Variants in PCSK2 observed in about 807,000 individuals in gnomAD.
The protein encoded by PCSK2 is proprotein convertase subtilisin/kexin type 2, also known as neuroendocrine convertase 2.
In PCSK2, 14 loss-of-function variants were observed where a neutral mutation model predicts 69.7. The ratio of observed to expected loss-of-function variants is 0.20; its 90% CI spans 0.13 to 0.31. PCSK2 has a LOEUF of 0.31. PCSK2 is among the 10% of genes least tolerant of loss of function. The pLI, the probability that PCSK2 is intolerant of heterozygous loss-of-function variation, is 1.00. For synonymous variants in PCSK2, 307 were observed against 320.7 expected, an observed-to-expected ratio of 0.96 and a Z score of 0.46; for missense variants, 544 against 842.5, an observed-to-expected ratio of 0.65 and a Z score of 4.39.
At chr20:17,347,607 G>A (rs770197588) in intron 2 of PCSK2, among the ~76,000 whole-genome samples, 10 of 152,022 alleles carry the variant, frequency 6.6e-5, no homozygotes, top group Non-Finnish European at 1.3e-4. Context: ...ACCATGGACC[G>A]TGGGTGATGA....
chr20:17,455,656 G>GCCAGTC (rs1392959695), intron 9 of PCSK2, among the ~76,000 whole-genome samples: 1 of 152,216 alleles, frequency 6.6e-6, no homozygotes, highest in Non-Finnish European at 1.5e-5. Context: ...CCTTTCAAGG[G>GCCAGTC]CCAGTCCCAA....
chr20:17,308,848 G>A (rs1314441147), intron 2 of PCSK2, among the ~76,000 whole-genome samples: 2 of 152,102 alleles, frequency 1.3e-5, no homozygotes, highest in Non-Finnish European at 2.9e-5. Flanking sequence ...GCCCGGCTTG[G>A]TGACTATGTA....
rs182863491 is a variant in PCSK2, at chr20:17,236,480, A to G, written c.177+8998A>G. On this transcript the variant is annotated intron_variant, in intron 1 of 11. Coordinates refer to ENST00000262545, the MANE Select transcript of PCSK2 (RefSeq NM_002594.5). Reference sequence around the variant, plus strand: ...GACTCAGTGCTTTGTAAAATGGGGAAATTAGCATCCTGACACTTTCTCTCA... The same window carrying G: ...GACTCAGTGCTTTGTAAAATGGGGAGATTAGCATCCTGACACTTTCTCTCA... Among the ~76,000 whole-genome samples, 4 of 152,256 alleles carry G rather than the reference A, an allele frequency of 2.6e-5. No individual in the cohort carries two copies. In the East Asian group the frequency reaches 7.7e-4, roughly 29 times the overall value.
intron 6 of PCSK2, among the ~76,000 whole-genome samples, chr20:17,410,115 G>A (rs2031836905): frequency 6.6e-6 from 1 of 151,892 alleles, no homozygotes; most frequent in Non-Finnish European, 1.5e-5. Flanking sequence ...GATGTGCAGA[G>A]CACTTTATCC....
At chr20:17,296,479 G>T (rs1285078984) in intron 2 of PCSK2, among the ~76,000 whole-genome samples, 3 of 152,130 alleles carry the variant, frequency 2.0e-5, no homozygotes, top group African/African-American at 7.2e-5. Flanking sequence ...CACTTCACCT[G>T]TGCTCACCTG....
intron 8 of PCSK2, among the ~76,000 whole-genome samples, chr20:17,447,981 T>A (rs1475428884): frequency 6.6e-6 from 1 of 152,218 alleles, no homozygotes; most frequent in African/African-American, 2.4e-5. Flanking sequence ...TCACCAGTGA[T>A]TATCTATTCA....
chr20:17,301,318 AG>A (rs1276667985), intron 2 of PCSK2, among the ~76,000 whole-genome samples: 1 of 152,206 alleles, frequency 6.6e-6, no homozygotes. Context: ...AGACTCAAAA[AG>A]CAGCTGGAGG....
chr20:17,438,844 C>A (rs953443403), intron 8 of PCSK2, among the ~76,000 whole-genome samples: 4 of 152,232 alleles, frequency 2.6e-5, no homozygotes, highest in Non-Finnish European at 4.4e-5. Context: ...GGTCCAGAGC[C>A]CCCTGTGGGC....
intron 1 of PCSK2, among the ~76,000 whole-genome samples, chr20:17,239,765 G>A (rs1346370866): frequency 6.8e-6 from 1 of 147,460 alleles, no homozygotes; most frequent in Non-Finnish European, 1.5e-5. Flanking sequence ...GAACAAGTAA[G>A]CAACTGGGAT....
chr20:17,320,590 C>G (rs768086790), intron 2 of PCSK2, among the ~76,000 whole-genome samples: 28 of 152,322 alleles, frequency 1.8e-4, no homozygotes, highest in African/African-American at 6.3e-4. Context: ...GGGACTCAGG[C>G]TTGCTGAGCA....
chr20:17,350,174 G>A (rs2029934382), intron 2 of PCSK2, among the ~76,000 whole-genome samples: 1 of 146,370 alleles, frequency 6.8e-6, no homozygotes, highest in Admixed American at 7.0e-5. Context: ...CACCTGTAGT[G>A]ACCCTATTTC....
At chr20:17,237,596 A>G (rs1302031698) in intron 1 of PCSK2, among the ~76,000 whole-genome samples, 5 of 152,178 alleles carry the variant, frequency 3.3e-5, no homozygotes, top group African/African-American at 1.2e-4. Context: ...TTTTAGAGAC[A>G]AAGTCATTGT....
At chr20:17,432,830 T>A (rs1442108185) in intron 7 of PCSK2, among the ~76,000 whole-genome samples, 1 of 152,252 alleles carries the variant, frequency 6.6e-6, no homozygotes, top group African/African-American at 2.4e-5. Flanking sequence ...GGCACCTTCC[T>A]GTTGCAGGGG....
rs61156656 is a variant in PCSK2 at position 17,450,017 on chromosome 20, C to CTTTTTTTTTTTTTTTTTT, written c.886-3712_886-3695dup. ...TTTTTAAGTTTGTTGAATTTCTTCC[C>CTTTTTTTTTTTTTTTTTT]TTTTTTTTTTTTTTTTTTTTTTTTT... is the stretch of plus-strand genomic sequence containing the variant. On this transcript the variant is annotated intron_variant, in intron 8 of 11. Coordinates refer to ENST00000262545, the MANE Select transcript of PCSK2 (RefSeq NM_002594.5). 8.4e-4 allele frequency among the ~76,000 whole-genome samples: 52 copies of CTTTTTTTTTTTTTTTTTT among 61,834 alleles called. 8 individuals carry two copies. Among genetic ancestry groups the CTTTTTTTTTTTTTTTTTT allele is most frequent in the Non-Finnish European group, 1.0e-3 (35 of 34,974 alleles). 40.6% of individuals were successfully genotyped at this position (61,834 alleles called of 152,430 possible).
intron 2 of PCSK2, among the ~76,000 whole-genome samples, chr20:17,354,614 C>A (rs1045788349): frequency 6.6e-6 from 1 of 152,124 alleles, no homozygotes; most frequent in Non-Finnish European, 1.5e-5. Context: ...GGAAAACAAT[C>A]TAAATGACTA....
intron 2 of PCSK2, among the ~76,000 whole-genome samples, chr20:17,312,914 A>G (rs2123115024): frequency 6.6e-6 from 1 of 152,288 alleles, no homozygotes; most frequent in South Asian, 2.1e-4. Flanking sequence ...TGTTCCCACA[A>G]GTACTGACAT....
chr20:17,341,227 G>T (rs538093538), intron 2 of PCSK2, among the ~76,000 whole-genome samples: 1 of 152,136 alleles, frequency 6.6e-6, no homozygotes, highest in South Asian at 2.1e-4. Context: ...AAGGCAGAGC[G>T]GGACTGTCTC....
intron 8 of PCSK2, among the ~76,000 whole-genome samples, chr20:17,449,546 T>TATATATATATATATA (rs1442630991): frequency 6.0e-5 from 3 of 49,854 alleles, no homozygotes; most frequent in African/African-American, 1.6e-4. Context: ...ATATGTATAT[T>TATATATATATATATA]TGAGACTGAG....
intron 1 of PCSK2, among the ~76,000 whole-genome samples, chr20:17,249,291 G>A (rs901081167): frequency 6.6e-6 from 1 of 151,984 alleles, no homozygotes; most frequent in Non-Finnish European, 1.5e-5. Flanking sequence ...CGGATCATGA[G>A]GTCAGGAGAT....
Sources: allele counts gnomAD v4.1 joint callset (sites outside exome capture counted in the v4.1 genomes callset), GRCh38; gene constraint gnomAD v4.1.1; transcripts MANE v1.5; gene names NCBI Gene and HGNC (gene_info 2026-07-23, HGNC 2026-07-21).